Variants in WWOX observed in about 807,000 individuals in gnomAD.
WWOX encodes the protein WW domain-containing oxidoreductase.
In WWOX, 69 loss-of-function variants were observed where a neutral mutation model predicts 46.2. The ratio of observed to expected loss-of-function variants is 1.49; its 90% confidence interval spans 1.23 to 1.82. The LOEUF (loss-of-function observed/expected upper bound fraction) is 1.82, where lower values mean the gene tolerates loss of function less well. Among genes scored for constraint, WWOX ranks in the 40% most tolerant of loss-of-function variants. WWOX has a pLI of 0.00. For missense variants in WWOX, 919 were observed against 542.6 expected, an observed-to-expected ratio of 1.69 and a Z score of -6.89; for synonymous variants, 359 against 202.6, an observed-to-expected ratio of 1.77 and a Z score of -6.56.
At chr16:79,090,280 C>CGCGTGT (rs1555525604) in intron 8 of WWOX, among the ~76,000 whole-genome samples, 14 of 138,284 alleles carry the variant, frequency 1.0e-4, no homozygotes, top group Non-Finnish European at 2.0e-4. Context: ...CTACTGTGTG[C>CGCGTGT]GTGTGTGTGT....
chr16:78,982,142 A>G (rs1004408265), intron 8 of WWOX, among the ~76,000 whole-genome samples: 1 of 151,300 alleles, frequency 6.6e-6, no homozygotes, highest in African/African-American at 2.4e-5. Context: ...CATTGCTCAG[A>G]GGAAAAGAAG....
chr16:78,903,995 C>T (rs921518542), intron 8 of WWOX, among the ~76,000 whole-genome samples: 2 of 152,066 alleles, frequency 1.3e-5, no homozygotes. Flanking sequence ...ATGGCTGCAG[C>T]CCTATAAGCT....
intron 5 of WWOX, among the ~76,000 whole-genome samples, chr16:78,177,359 C>G (rs1029669336): frequency 6.6e-6 from 1 of 152,136 alleles, no homozygotes; most frequent in African/African-American, 2.4e-5. Flanking sequence ...AAGGATTTTG[C>G]TAATGAGGTG....
chr16:78,579,474 G>A (rs2044992620), intron 8 of WWOX, among the ~76,000 whole-genome samples: 2 of 152,138 alleles, frequency 1.3e-5, no homozygotes, highest in Admixed American at 6.5e-5. Flanking sequence ...TTCCTCTTAA[G>A]TGAATATAAA....
At chr16:78,249,916 A>G (rs1416795237) in intron 5 of WWOX, among the ~76,000 whole-genome samples, 1 of 152,168 alleles carries the variant, frequency 6.6e-6, no homozygotes, top group African/African-American at 2.4e-5. Flanking sequence ...GTGAGATAGC[A>G]AAGAGAACTC....
chr16:78,737,704 TC>T (rs2049123171), intron 8 of WWOX, among the ~76,000 whole-genome samples: 2 of 152,170 alleles, frequency 1.3e-5, no homozygotes, highest in Admixed American at 1.3e-4. Flanking sequence ...GGTATAAGAA[TC>T]TAGGTATCAT....
At chr16:78,925,047 T>G (rs1287166517) in intron 8 of WWOX, among the ~76,000 whole-genome samples, 1 of 152,012 alleles carries the variant, frequency 6.6e-6, no homozygotes, top group Admixed American at 6.6e-5. Context: ...ATAAAAAAGT[T>G]AGCCAGGCAT....
chr16:78,261,772 GTATCTATCTATCTATCTATAT>G (rs1567464572), intron 5 of WWOX, among the ~76,000 whole-genome samples: 112 of 130,010 alleles, frequency 8.6e-4, no homozygotes, highest in Non-Finnish European at 1.3e-3. Flanking sequence ...ATCTATCTAT[GTATCTATCTATCTATCTATAT>G]ATATATATAT....
intron 8 of WWOX, among the ~76,000 whole-genome samples, chr16:78,743,120 A>G (rs780947638): frequency 1.3e-5 from 2 of 152,102 alleles, no homozygotes; most frequent in Admixed American, 6.5e-5. Context: ...TGGAGGAGAC[A>G]CTTGAGTGTC....
At chr16:78,683,125 C>T (rs907973692) in intron 8 of WWOX, among the ~76,000 whole-genome samples, 1 of 152,084 alleles carries the variant, frequency 6.6e-6, no homozygotes, top group African/African-American at 2.4e-5. Context: ...TTCCTAAAAT[C>T]GATTTCCAGT....
Position 78,597,079 on chromosome 16 carries a change from G to A in WWOX, c.1056+164327G>A, listed in dbSNP as rs571024443. Among the ~76,000 whole-genome samples the A allele has an allele frequency of 5.3e-5, 8 of 152,308 alleles. 1 individual carries two copies. Among genetic ancestry groups the A allele is most frequent in the Admixed American group, 5.2e-4 (8 of 15,298 alleles). On this transcript the variant is annotated intron_variant, in intron 8 of 8. Coordinates refer to ENST00000566780, the MANE Select transcript of WWOX (RefSeq NM_016373.4). ...CTGCGTAGAAGCGCTGGAGCCAGGT[G>A]CTTACGACCTGGGTGCTAGTATCTT...
intron 8 of WWOX, among the ~76,000 whole-genome samples, chr16:78,907,970 A>G (rs750770531): frequency 1.3e-5 from 2 of 152,200 alleles, no homozygotes; most frequent in Non-Finnish European, 2.9e-5. Flanking sequence ...ATCAGTGCAC[A>G]GCTTTGCAGG....
chr16:79,122,314 T>G (rs2049652304), intron 8 of WWOX, among the ~76,000 whole-genome samples: 1 of 152,110 alleles, frequency 6.6e-6, no homozygotes. Context: ...ACGAGTCCCT[T>G]GTTCAGGCGG....
At chr16:78,326,908 C>G (rs898125443) in intron 5 of WWOX, among the ~76,000 whole-genome samples, 5 of 152,104 alleles carry the variant, frequency 3.3e-5, no homozygotes, top group African/African-American at 1.2e-4. Context: ...AAGTTTCTCA[C>G]CATGGAGATG....
intron 8 of WWOX, among the ~76,000 whole-genome samples, chr16:79,105,383 T>G (rs533701899): frequency 1.1e-4 from 16 of 152,292 alleles, no homozygotes; most frequent in African/African-American, 3.6e-4. Context: ...CAACTCCATA[T>G]TCGTACCCAT....
At chr16:78,532,155 C>T (rs932663668) in intron 8 of WWOX, among the ~76,000 whole-genome samples, 2 of 151,162 alleles carry the variant, frequency 1.3e-5, no homozygotes, top group Admixed American at 1.3e-4. Context: ...TAGAGACATT[C>T]AGCAGTCTGC....
chr16:79,114,483 G>A (rs2049475078), intron 8 of WWOX, among the ~76,000 whole-genome samples: 1 of 151,576 alleles, frequency 6.6e-6, no homozygotes, highest in Non-Finnish European at 1.5e-5. Flanking sequence ...TGAAGATGGA[G>A]GCAGATACTG....
At chr16:79,152,405 C>G (rs1226689909) in intron 8 of WWOX, among the ~76,000 whole-genome samples, 1 of 152,124 alleles carries the variant, frequency 6.6e-6, no homozygotes, top group African/African-American at 2.4e-5. Context: ...GGCGCAGTGT[C>G]TCATGCCTGT....
rs948800672 is a variant in WWOX at position 78,350,362 on chromosome 16, T to C, written c.517-36498T>C. Reference sequence around the variant, plus strand: ...GTGCTTTCAGTATATTCAGAGAGTTTTGCAGCTGTCACCACAGTCAAGTTT... The same window carrying C: ...GTGCTTTCAGTATATTCAGAGAGTTCTGCAGCTGTCACCACAGTCAAGTTT... On this transcript the variant is annotated intron_variant, in intron 5 of 8. Coordinates refer to ENST00000566780, the MANE Select transcript of WWOX (RefSeq NM_016373.4). Among the ~76,000 whole-genome samples, 4 of 121,638 alleles carry C rather than the reference T, an allele frequency of 3.3e-5. 2 individuals carry two copies. Among genetic ancestry groups the C allele is most frequent in the Non-Finnish European group, 7.9e-5 (4 of 50,860 alleles). 79.8% of individuals were successfully genotyped at this position (121,638 alleles called of 152,430 possible).
Sources: allele counts gnomAD v4.1 joint callset (sites outside exome capture counted in the v4.1 genomes callset), GRCh38; gene constraint gnomAD v4.1.1; transcripts MANE v1.5; gene names NCBI Gene and HGNC (gene_info 2026-07-23, HGNC 2026-07-21).